CCDC85A: variants seen among roughly 807,000 people sequenced by gnomAD.
The protein encoded by CCDC85A is coiled-coil domain-containing protein 85A.
In CCDC85A, 38 loss-of-function variants were observed where a neutral mutation model predicts 50.2. That is an observed-to-expected ratio of 0.76 (90% CI 0.58 to 0.99). The LOEUF (loss-of-function observed/expected upper bound fraction) is 0.99. Among genes scored for constraint, CCDC85A ranks in the 50% least tolerant of loss-of-function variants. The pLI, the probability that CCDC85A is intolerant of heterozygous loss-of-function variation, is 0.00. For synonymous variants in CCDC85A, 366 were observed against 301.4 expected (o/e 1.21, Z -2.22); for missense variants, 820 against 742.0 (o/e 1.11, Z -1.22).
intron 2 of CCDC85A, among the ~76,000 whole-genome samples, chr2:56,212,122 G>C (rs370222365): frequency 2.6e-5 from 4 of 152,050 alleles, no homozygotes; most frequent in African/African-American, 7.2e-5. Flanking sequence ...GCTTGCTTCT[G>C]AGTACTTGCC....
intron 2 of CCDC85A, among the ~76,000 whole-genome samples, chr2:56,330,026 G>T (rs1179168374): frequency 8.1e-6 from 1 of 123,110 alleles, no homozygotes; most frequent in Non-Finnish European, 1.6e-5. Flanking sequence ...CCGACTAGAT[G>T]CACTTAAAGA....
chr2:56,366,331 T>C (rs990738951), intron 3 of CCDC85A, among the ~76,000 whole-genome samples: 2 of 152,158 alleles, frequency 1.3e-5, no homozygotes, highest in African/African-American at 4.8e-5. Flanking sequence ...AGGAACTTCA[T>C]ACTGTTTTCC....
chr2:56,265,974 G>C (rs534950337), intron 2 of CCDC85A, among the ~76,000 whole-genome samples: 1 of 152,286 alleles, frequency 6.6e-6, no homozygotes, highest in South Asian at 2.1e-4. Context: ...TAAAAGGTAG[G>C]AAATTCTGTC....
In CCDC85A at chr2:56,372,446, C is replaced by T. The variant is rs758371670; in HGVS notation, c.1420C>T (p.Arg474Ter). ...GGTCTTGCAGTGGTGGCAAGGGTGCCGAGGAATAGGACGATGCCTGCCTAC... is the reference window on the plus strand; with the variant it reads ...GGTCTTGCAGTGGTGGCAAGGGTGCTGAGGAATAGGACGATGCCTGCCTAC... Reference protein sequence around the residue: ...RRVLQWWQGCRGIGRCLPTLP... With the variant: ...RRVLQWWQGC Residue 474 changes from arginine (R) to a stop codon, truncating the protein, a stop_gained, in exon 4 of 6, where the codon CGA becomes TGA. Transcript: ENST00000407595. LOFTEE classifies it high-confidence loss of function. 3.7e-6 allele frequency: 6 copies of T among 1,609,128 alleles called. No homozygotes were observed. Among genetic ancestry groups the T allele is most frequent in the South Asian group, 2.2e-5 (2 of 89,936 alleles).
At chr2:56,203,802 CTATTT>C (rs1332966415) in intron 2 of CCDC85A, among the ~76,000 whole-genome samples, 1 of 152,116 alleles carries the variant, frequency 6.6e-6, no homozygotes, top group East Asian at 1.9e-4. Flanking sequence ...TAGATAAATT[CTATTT>C]TAATTATGAA....
chr2:56,253,403 G>T (rs1276940928), intron 2 of CCDC85A, among the ~76,000 whole-genome samples: 1 of 152,196 alleles, frequency 6.6e-6, no homozygotes, highest in Non-Finnish European at 1.5e-5. Context: ...ATGGGAGGGA[G>T]CAGGAAGCAT....
At chr2:56,254,970 C>T (rs1669919027) in intron 2 of CCDC85A, among the ~76,000 whole-genome samples, 1 of 152,168 alleles carries the variant, frequency 6.6e-6, no homozygotes, top group Non-Finnish European at 1.5e-5. Context: ...CTTCCTCTCA[C>T]TACATGAATG....
chr2:56,278,880 G>A (rs1671080169), intron 2 of CCDC85A, among the ~76,000 whole-genome samples: 1 of 152,302 alleles, frequency 6.6e-6, no homozygotes, highest in East Asian at 1.9e-4. Context: ...ACACTGGTCT[G>A]CTTTCTTATT....
chr2:56,372,482 A>G lies in CCDC85A; in HGVS notation c.1452+4A>G. 1 of 1,585,178 alleles carries G rather than the reference A, an allele frequency of 6.3e-7. No homozygotes were observed. The highest frequency in any genetic ancestry group is 8.6e-7 in the Non-Finnish European group (1 of 1,163,918). On this transcript the variant is annotated splice_donor_region_variant and intron_variant, in intron 4 of 5. Transcript: ENST00000407595. ...ACGATGCCTGCCTACTCTCCCGGTG[A>G]GTGAAGATGAGTCAGCTGGATGCAT...
chr2:56,311,410 T>C (rs1672684899), intron 2 of CCDC85A, among the ~76,000 whole-genome samples: 2 of 152,092 alleles, frequency 1.3e-5, no homozygotes, highest in African/African-American at 4.8e-5. Flanking sequence ...GTGAGAGTTG[T>C]TTTGAGACTG....
chr2:56,377,940 T>C (rs970016132), intron 5 of CCDC85A, among the ~76,000 whole-genome samples: 2 of 151,964 alleles, frequency 1.3e-5, no homozygotes, highest in Admixed American at 1.3e-4. Context: ...TTTTATGTTA[T>C]ATTCAGTACA....
intron 2 of CCDC85A, among the ~76,000 whole-genome samples, chr2:56,283,023 T>G (rs1671275055): frequency 6.6e-6 from 1 of 152,234 alleles, no homozygotes; most frequent in Non-Finnish European, 1.5e-5. Flanking sequence ...ACGACAATAT[T>G]AAATTCTTTT....
intron 2 of CCDC85A, among the ~76,000 whole-genome samples, chr2:56,238,022 A>G (rs1197403072): frequency 6.6e-6 from 1 of 152,196 alleles, no homozygotes; most frequent in Non-Finnish European, 1.5e-5. Flanking sequence ...TCCCAAATTC[A>G]TACACAGTTA....
At chr2:56,189,568 G>T (rs1042731283) in intron 1 of CCDC85A, among the ~76,000 whole-genome samples, 1 of 152,134 alleles carries the variant, frequency 6.6e-6, no homozygotes. Flanking sequence ...TGGGATTACA[G>T]ATATGAGCCA....
At chr2:56,291,899 G>C (rs13384837) in intron 2 of CCDC85A, among the ~76,000 whole-genome samples, 96 of 151,694 alleles carry the variant, frequency 6.3e-4, no homozygotes, top group African/African-American at 2.1e-3. Context: ...AGAGAGCCCA[G>C]TGGGAGGCTG....
intron 2 of CCDC85A, among the ~76,000 whole-genome samples, chr2:56,207,056 A>G: frequency 6.6e-6 from 1 of 152,202 alleles, no homozygotes; most frequent in East Asian, 1.9e-4. Flanking sequence ...AATTCTGTTT[A>G]AACAATAAAG....
intron 2 of CCDC85A, among the ~76,000 whole-genome samples, chr2:56,231,983 A>G (rs1056524972): frequency 1.3e-5 from 2 of 151,716 alleles, no homozygotes; most frequent in Non-Finnish European, 2.9e-5. Flanking sequence ...GTCATGCTTC[A>G]TTTGCCTACT....
chr2:56,243,026 G>A (rs1558602135), intron 2 of CCDC85A, among the ~76,000 whole-genome samples: 1 of 151,640 alleles, frequency 6.6e-6, no homozygotes, highest in African/African-American at 2.4e-5. Context: ...TCCTTTCTGT[G>A]TTGTTTTTTT....
At chr2:56,213,543 G>A (rs1438161042) in intron 2 of CCDC85A, among the ~76,000 whole-genome samples, 1 of 151,918 alleles carries the variant, frequency 6.6e-6, no homozygotes, top group Non-Finnish European at 1.5e-5. Context: ...GTTGTTCTAA[G>A]AGGTTGTTCT....
Sources: gnomAD v4.1 joint callset for allele counts (sites outside exome capture counted in the v4.1 genomes callset) on GRCh38, gnomAD v4.1.1 for gene constraint, MANE v1.5 for transcripts, NCBI Gene and HGNC (gene_info 2026-07-23, HGNC 2026-07-21) for gene names.